Variants in RAB27A observed in about 807,000 individuals in gnomAD.
The protein encoded by RAB27A is ras-related protein Rab-27A.
A neutral mutation model predicts 20.8 loss-of-function variants in RAB27A; 17 were observed. That is an observed-to-expected ratio of 0.82 (90% confidence interval 0.56 to 1.23). The LOEUF (loss-of-function observed/expected upper bound fraction) is 1.23. RAB27A is among the 50% of genes most tolerant of loss of function. The probability of loss-of-function intolerance (pLI) is 0.00; values close to 1 mark genes in which losing one functional copy is unlikely to be tolerated. For synonymous variants in RAB27A, 85 were observed against 92.8 expected (o/e 0.92, Z 0.48); for missense variants, 277 against 266.7 (o/e 1.04, Z -0.27).
chr15:55,318,327 G>T (rs1453515026), intron 1 of RAB27A, among the ~76,000 whole-genome samples: 1 of 151,084 alleles, frequency 6.6e-6, no homozygotes, highest in Non-Finnish European at 1.5e-5. Context: ...TCGATCCTCT[G>T]ACCTCCTGAT....
intron 2 of RAB27A, among the ~76,000 whole-genome samples, chr15:55,311,146 G>A (rs2055018882): frequency 6.6e-6 from 1 of 152,144 alleles, no homozygotes; most frequent in South Asian, 2.1e-4. Flanking sequence ...ACCAGAGATC[G>A]CCAAACTCTC....
At chr15:55,305,440 G>C (rs1012428642) in intron 2 of RAB27A, among the ~76,000 whole-genome samples, 14 of 152,166 alleles carry the variant, frequency 9.2e-5, no homozygotes, top group Admixed American at 9.2e-4. Flanking sequence ...ACCATTTGTA[G>C]CTTTACAGCT....
At chr15:55,299,980 C>T (rs1437244242) in intron 2 of RAB27A, among the ~76,000 whole-genome samples, 1 of 151,872 alleles carries the variant, frequency 6.6e-6, no homozygotes, top group African/African-American at 2.4e-5. Flanking sequence ...GCCACCACAC[C>T]CGGCTAATTT....
At chr15:55,257,197 T>C (rs1897111496) in intron 2 of RAB27A, among the ~76,000 whole-genome samples, 1 of 151,798 alleles carries the variant, frequency 6.6e-6, no homozygotes, top group Non-Finnish European at 1.5e-5. Flanking sequence ...TATCAGATTT[T>C]TGGAAGGGAA....
upstream of RAB27A, among the ~76,000 whole-genome samples, chr15:55,294,410 A>C (rs1300757972): frequency 6.6e-6 from 1 of 152,082 alleles, no homozygotes; most frequent in Non-Finnish European, 1.5e-5. Flanking sequence ...CAACATGGTG[A>C]AACCCTGTCT....
At chr15:55,253,994 A>G (rs78879336) in intron 2 of RAB27A, among the ~76,000 whole-genome samples, 2,699 of 152,300 alleles carry the variant, frequency 0.018, 78 homozygotes, top group African/African-American at 0.061. Flanking sequence ...AACAAGTAAC[A>G]GTACACTTAA....
intron 2 of RAB27A, among the ~76,000 whole-genome samples, chr15:55,245,730 A>G (rs1250953400): frequency 6.6e-6 from 1 of 152,234 alleles, no homozygotes; most frequent in Non-Finnish European, 1.5e-5. Flanking sequence ...AAACTGCTAG[A>G]CCAACTTCTA....
At chr15:55,243,246 C>G (rs564523526) in intron 2 of RAB27A, among the ~76,000 whole-genome samples, 1 of 152,278 alleles carries the variant, frequency 6.6e-6, no homozygotes, top group South Asian at 2.1e-4. Flanking sequence ...CATAAATCAT[C>G]TTTCTTTCCT....
At chr15:55,269,969 C>G (rs755333284) in intron 2 of RAB27A, 196 bp downstream of exon 2, 1 of 152,064 alleles carries the variant, frequency 6.6e-6, no homozygotes, top group Admixed American at 6.5e-5. Context: ...TATTCATACC[C>G]ACTCCGTGGT....
At chr15:55,297,955 C>A (rs2054956301) in intron 2 of RAB27A, among the ~76,000 whole-genome samples, 1 of 152,098 alleles carries the variant, frequency 6.6e-6, no homozygotes, top group South Asian at 2.1e-4. Flanking sequence ...GTAATCCCAG[C>A]ACTTTGGGAG....
chr15:55,224,435 A>T (rs1314016013), intron 5 of RAB27A, among the ~76,000 whole-genome samples: 1 of 152,240 alleles, frequency 6.6e-6, no homozygotes, highest in Non-Finnish European at 1.5e-5. Flanking sequence ...GACATTTCTA[A>T]AAGAATTGTT....
intron 1 of RAB27A, chr15:55,318,756 C>CA (rs1031849843): frequency 5.3e-5 from 8 of 150,404 alleles, no homozygotes; most frequent in Admixed American, 1.3e-4. Flanking sequence ...GCAACAACAA[C>CA]AAAAAAAATA....
At chr15:55,287,622 C>T (rs1898190879) in intron 1 of RAB27A, among the ~76,000 whole-genome samples, 1 of 151,998 alleles carries the variant, frequency 6.6e-6, no homozygotes, top group Non-Finnish European at 1.5e-5. Context: ...TGGCACATGC[C>T]CGTAATCCCA....
intron 2 of RAB27A, among the ~76,000 whole-genome samples, chr15:55,306,362 C>T (rs145006977): frequency 1.8e-4 from 27 of 152,188 alleles, no homozygotes; most frequent in African/African-American, 6.0e-4. Context: ...CTCATGAAAC[C>T]CAGTGAGGGT....
At chr15:55,244,852 G>T (rs1172988412) in intron 2 of RAB27A, among the ~76,000 whole-genome samples, 1 of 152,168 alleles carries the variant, frequency 6.6e-6, no homozygotes, top group East Asian at 1.9e-4. Flanking sequence ...ATATACAAAT[G>T]ACTGGCATAG....
chr15:55,265,185 C>A (rs1324045762), intron 2 of RAB27A, among the ~76,000 whole-genome samples: 1 of 152,046 alleles, frequency 6.6e-6, no homozygotes, highest in Non-Finnish European at 1.5e-5. Context: ...GAGGTTGCAG[C>A]CAGCCGAGAT....
At position 55,208,983 on chromosome 15, in the gene RAB27A, G is replaced by A. The variant is rs545468459; in HGVS notation, c.468-3278C>T. The stretch of plus-strand genomic sequence containing the variant: ...ATGGAATCAGCAAGGAATTTTAAAA[G>A]GGACTTCAATTGTATCTGTAAGAAA... On this transcript the variant is annotated intron_variant, in intron 6 of 6. Transcript: ENST00000336787. Among the ~76,000 whole-genome samples, 3 of 152,276 alleles carry A rather than the reference G, an allele frequency of 2.0e-5. No individual in the cohort carries two copies. The East Asian group carries it at 5.8e-4, about 29-fold the overall frequency.
intron 6 of RAB27A, among the ~76,000 whole-genome samples, chr15:55,210,182 C>CATATGTGTGTGTATGTATACATACATAT (rs1555391864): frequency 1.1e-5 from 1 of 92,952 alleles, no homozygotes; most frequent in African/African-American, 5.3e-5. Flanking sequence ...TACGTACACA[C>CATATGTGTGTGTATGTATACATACATAT]ATATGTATGT....
chr15:55,305,845 T>C (rs2054994492), intron 2 of RAB27A, among the ~76,000 whole-genome samples: 1 of 152,238 alleles, frequency 6.6e-6, no homozygotes, highest in South Asian at 2.1e-4. Context: ...AAATAGTTTG[T>C]AGTAGAACTG....
Sources: allele counts gnomAD v4.1 joint callset (sites outside exome capture counted in the v4.1 genomes callset), GRCh38; gene constraint gnomAD v4.1.1; transcripts MANE v1.5; gene names NCBI Gene and HGNC (gene_info 2026-07-23, HGNC 2026-07-21).